The following MYOM1 variants were observed in gnomAD, a reference collection of about 807,000 sequenced individuals.
MYOM1 encodes myomesin 1.
Under a neutral mutation model 205.3 loss-of-function variants are expected in MYOM1, and 164 were observed. The ratio of observed to expected loss-of-function variants is 0.80; its 90% CI spans 0.70 to 0.91. MYOM1 has a LOEUF of 0.91. Ranked by LOEUF, MYOM1 falls within the 40% of genes least tolerant of loss-of-function variation. The probability of loss-of-function intolerance (pLI) is 0.00; values close to 1 mark genes in which losing one functional copy is unlikely to be tolerated. For missense variants in MYOM1, 2,011 were observed against 2,127.3 expected (o/e 0.95, Z 1.08); for synonymous variants, 772 against 789.4 (o/e 0.98, Z 0.37).
intron 10 of MYOM1, among the ~76,000 whole-genome samples, chr18:3,158,406 C>T (rs1163898465): frequency 6.6e-6 from 1 of 151,978 alleles, no homozygotes; most frequent in Non-Finnish European, 1.5e-5. Flanking sequence ...ATTTTTTTCA[C>T]CTCTGTCCCC....
intron 33 of MYOM1, among the ~76,000 whole-genome samples, chr18:3,083,415 C>CT (rs1434229449): frequency 3.8e-4 from 39 of 101,890 alleles, no homozygotes; most frequent in African/African-American, 1.0e-3. Flanking sequence ...TTTCTTTTTT[C>CT]TTTTTCTTTT....
Position 3,085,138 on chromosome 18 carries a change from G to T in MYOM1, c.4252-6C>A. The T allele has an allele frequency of 9.4e-6, 15 of 1,597,302 alleles. No individual in the cohort carries two copies. Among genetic ancestry groups the T allele is most frequent in the Non-Finnish European group, 1.3e-5 (15 of 1,171,270 alleles). On this transcript the variant is annotated splice_region_variant and splice_polypyrimidine_tract_variant and intron_variant, in intron 30 of 37. Coordinates refer to ENST00000356443, the MANE Select transcript of MYOM1 (RefSeq NM_003803.4). ...CCAGCATCTTTCTTGGAAAACTAAG[G>T]GGGAATAGATATACCACATTGCACC...
rs186363462 is a variant in MYOM1, at chr18:3,124,448, C to A, written c.2991+2253G>T. Among the ~76,000 whole-genome samples, 122 of 151,316 alleles carry A rather than the reference C, an allele frequency of 8.1e-4. 6 individuals carry two copies. Among genetic ancestry groups the A allele is most frequent in the African/African-American group, 2.8e-3 (114 of 40,826 alleles). ...CTCCTGAGGAGCTGGGACTCCACCA[C>A]TCCTGGGACTCCCGAGGAGCTGAGT... On this transcript the variant is annotated intron_variant, in intron 19 of 37. Transcript: ENST00000356443.
chr18:3,103,007 G>T (rs1346609643), intron 22 of MYOM1, among the ~76,000 whole-genome samples: 1 of 152,238 alleles, frequency 6.6e-6, no homozygotes, highest in Non-Finnish European at 1.5e-5. Flanking sequence ...ATATCCACAT[G>T]CAATCAGTCA....
At chr18:3,160,087 C>T (rs202212747) in intron 10 of MYOM1, among the ~76,000 whole-genome samples, 2 of 120,394 alleles carry the variant, frequency 1.7e-5, no homozygotes, top group South Asian at 2.8e-4. Context: ...TCCTCCTCCT[C>T]CTTCTTCTCC....
Position 3,067,081 on chromosome 18 carries a change from T to G in MYOM1, c.*181A>C. ...TTTTCTTAACACATAATTTTGTAGA[T>G]AAAGAAAAACAATTAAAGTGTCATT... On this transcript the variant is annotated 3_prime_UTR_variant, in exon 38 of 38. Transcript: ENST00000356443. 1.5e-6 allele frequency: 1 copy of G among 646,046 alleles called. No homozygotes were observed. The highest frequency in any genetic ancestry group is 2.6e-6 in the Non-Finnish European group (1 of 385,338). 40.0% of individuals were successfully genotyped at this position (646,046 alleles called of 1,614,324 possible). A position where few individuals can be genotyped will look rare whatever the true frequency, so the allele number is the denominator to read the frequency against.
At chr18:3,173,906 G>A in intron 8 of MYOM1, 32 bp downstream of exon 8, 2 of 1,579,468 alleles carry the variant, frequency 1.3e-6, no homozygotes, top group East Asian at 2.2e-5. Flanking sequence ...TTACATAGAG[G>A]TGACACTTAG....
At chr18:3,097,727 CAT>C (rs1364089866) in intron 25 of MYOM1, among the ~76,000 whole-genome samples, 1 of 152,086 alleles carries the variant, frequency 6.6e-6, no homozygotes, top group African/African-American at 2.4e-5. Context: ...GTTTTAATCA[CAT>C]TCTCAGGGTC....
chr18:3,122,768 T>TAA (rs1299660089), intron 19 of MYOM1, among the ~76,000 whole-genome samples: 1 of 152,104 alleles, frequency 6.6e-6, no homozygotes, highest in Non-Finnish European at 1.5e-5. Context: ...CAAATTATAA[T>TAA]AAAAGGGAAA....
chr18:3,129,342 T>A lies in MYOM1; in HGVS notation c.2684A>T (p.Glu895Val), dbSNP rs776519266. The change falls in exon 18 of 38, where the codon GAA (glutamate) becomes GTA (valine). Residue 895 changes from glutamate to valine, a missense_variant. Transcript: ENST00000356443. ...PSSSQNLGQT[E>V]VSKVSETVQE... ...AACTGTTTCACTTACTTTACTCACT[T>A]CTGTTTGGCCCAGGTTTTGAGAGCT... The A allele has an allele frequency of 6.2e-7, 1 of 1,613,862 alleles. No individual in the cohort carries two copies. The highest frequency in any genetic ancestry group is 2.2e-5 in the East Asian group (1 of 44,890).
chr18:3,146,630 G>A (rs2080126433), intron 13 of MYOM1, among the ~76,000 whole-genome samples: 1 of 151,972 alleles, frequency 6.6e-6, no homozygotes, highest in African/African-American at 2.4e-5. Flanking sequence ...ACTTGATAAA[G>A]GATAGCTATA....
At chr18:3,166,386 T>A in intron 9 of MYOM1, among the ~76,000 whole-genome samples, 1 of 150,866 alleles carries the variant, frequency 6.6e-6, no homozygotes, top group South Asian at 2.2e-4. Context: ...TTATAGTGCC[T>A]CAGCCTCCTG....
intron 8 of MYOM1, among the ~76,000 whole-genome samples, chr18:3,173,260 G>A (rs2080586765): frequency 6.6e-6 from 1 of 152,060 alleles, no homozygotes; most frequent in African/African-American, 2.4e-5. Flanking sequence ...ATCATATTTA[G>A]ACTTCATTTT....
chr18:3,212,847 C>T (rs776882257), intron 2 of MYOM1, among the ~76,000 whole-genome samples: 12 of 152,134 alleles, frequency 7.9e-5, no homozygotes, highest in African/African-American at 1.7e-4. Flanking sequence ...GGAAGCAGTT[C>T]GTCTGAGGCA....
At chr18:3,208,879 C>G (rs1290511718) in intron 2 of MYOM1, among the ~76,000 whole-genome samples, 4 of 152,218 alleles carry the variant, frequency 2.6e-5, no homozygotes, top group Admixed American at 1.3e-4. Context: ...ATCCTCCTGC[C>G]TTGGCCTCCT....
At chr18:3,155,362 C>T (rs1051883336) in intron 10 of MYOM1, among the ~76,000 whole-genome samples, 1 of 152,196 alleles carries the variant, frequency 6.6e-6, no homozygotes, top group Non-Finnish European at 1.5e-5. Flanking sequence ...GCTGGGACTA[C>T]AGGCACCCGC....
intron 25 of MYOM1, among the ~76,000 whole-genome samples, chr18:3,098,776 T>C (rs1359418724): frequency 3.3e-5 from 5 of 152,232 alleles, no homozygotes; most frequent in Non-Finnish European, 7.3e-5. Flanking sequence ...AATTAACATT[T>C]GAAACCTCAC....
chr18:3,115,063 C>CT (rs1280059019), intron 21 of MYOM1, among the ~76,000 whole-genome samples: 3 of 152,034 alleles, frequency 2.0e-5, no homozygotes, highest in Admixed American at 6.6e-5. Flanking sequence ...ACTTGGAAAT[C>CT]TTCATCCCAG....
In MYOM1 at chr18:3,109,778, T is replaced by C. The variant is rs574248806; in HGVS notation, c.3418+2520A>G. On this transcript the variant is annotated intron_variant, in intron 22 of 37. Coordinates refer to ENST00000356443, the MANE Select transcript of MYOM1 (RefSeq NM_003803.4). ...CAGATCTCATTTTACATTACTATTA[T>C]TATTATTTTTTCTTTCCTATTCTTT... 7.2e-5 allele frequency among the ~76,000 whole-genome samples: 11 copies of C among 152,304 alleles called. No homozygotes were observed. The South Asian group carries it at 2.1e-3, about 29-fold the overall frequency.
Sources: allele counts gnomAD v4.1 joint callset (sites outside exome capture counted in the v4.1 genomes callset), GRCh38; gene constraint gnomAD v4.1.1; transcripts MANE v1.5; gene names NCBI Gene and HGNC (gene_info 2026-07-23, HGNC 2026-07-21).